PPM1B: variants seen among roughly 807,000 people sequenced by gnomAD.
The protein encoded by PPM1B is protein phosphatase 1B.
Under a neutral mutation model 43.0 loss-of-function variants are expected in PPM1B, and 22 were observed. That is an observed-to-expected ratio of 0.51 (90% CI 0.37 to 0.73). PPM1B has a LOEUF of 0.73. PPM1B is among the 30% of genes least tolerant of loss of function. The probability of loss-of-function intolerance (pLI) is 0.00; values close to 1 mark genes in which losing one functional copy is unlikely to be tolerated. For missense variants in PPM1B, 632 were observed against 584.2 expected (o/e 1.08, Z -0.84); for synonymous variants, 217 against 197.9 (o/e 1.10, Z -0.81).
At chr2:44,230,020 G>T in intron 5 of PPM1B, 1 of 1,591,702 alleles carries the variant, frequency 6.3e-7, no homozygotes, top group Non-Finnish European at 8.6e-7. Flanking sequence ...CTGTTCTGAT[G>T]GCCTGCTTTT....
chr2:44,193,322 A>AT (rs770157842), intron 1 of PPM1B, among the ~76,000 whole-genome samples: 144 of 152,136 alleles, frequency 9.5e-4, no homozygotes, highest in Non-Finnish European at 1.6e-3. Context: ...GAGGTTGAGC[A>AT]TTTTTTCACA....
chr2:44,205,865 T>A (rs1669167690), intron 2 of PPM1B, among the ~76,000 whole-genome samples: 1 of 152,208 alleles, frequency 6.6e-6, no homozygotes, highest in South Asian at 2.1e-4. Flanking sequence ...TCATTCTATA[T>A]TAATTTATAT....
At chr2:44,199,604 T>G (rs1270488743) in intron 1 of PPM1B, among the ~76,000 whole-genome samples, 1 of 152,196 alleles carries the variant, frequency 6.6e-6, no homozygotes, top group Non-Finnish European at 1.5e-5. Flanking sequence ...AAAAATGTAC[T>G]TAGAACTAGG....
At chr2:44,177,021 C>A (rs190351878) in intron 1 of PPM1B, among the ~76,000 whole-genome samples, 2 of 152,318 alleles carry the variant, frequency 1.3e-5, no homozygotes, top group East Asian at 3.9e-4. Context: ...CTCAGGTGAT[C>A]TGCCCGCCTC....
chr2:44,170,507 C>T (rs1413778780), intron 1 of PPM1B, among the ~76,000 whole-genome samples: 2 of 152,226 alleles, frequency 1.3e-5, no homozygotes, highest in South Asian at 4.1e-4. Context: ...AACACAGGAA[C>T]TGTCTTTATT....
At chr2:44,203,328 A>T (rs760922274) in intron 2 of PPM1B, among the ~76,000 whole-genome samples, 1 of 152,150 alleles carries the variant, frequency 6.6e-6, no homozygotes, top group Non-Finnish European at 1.5e-5. Flanking sequence ...GATGGTTGTC[A>T]GTGATCAAAT....
intron 5 of PPM1B, among the ~76,000 whole-genome samples, chr2:44,226,401 G>T (rs1411796558): frequency 6.6e-6 from 1 of 152,118 alleles, no homozygotes; most frequent in African/African-American, 2.4e-5. Context: ...TGTTGAACTT[G>T]CCAAAATTGA....
chr2:44,215,496 G>T (rs1442758970), intron 3 of PPM1B, among the ~76,000 whole-genome samples: 1 of 152,172 alleles, frequency 6.6e-6, no homozygotes, highest in African/African-American at 2.4e-5. Context: ...TTGTAAAGCA[G>T]TGTTCTTCAG....
At chr2:44,239,212 A>G (rs114472933), downstream of PPM1B, among the ~76,000 whole-genome samples, 630 of 150,340 alleles carry the variant, frequency 4.2e-3, 2 homozygotes, top group African/African-American at 0.015. Flanking sequence ...ATCCGGTTGG[A>G]TAAGCATGAA....
At position 44,201,027 on chromosome 2, in the gene PPM1B, G is replaced by A. The variant is rs1165450528; in HGVS notation, c.-14-159G>A. ...CTGAGAAACCACTGTTCTGTAGGAT[G>A]TAGGGGAGGAAATTTCTTGGGCTTT... On this transcript the variant is annotated intron_variant, in intron 1 of 5. Coordinates refer to ENST00000282412, the MANE Select transcript of PPM1B (RefSeq NM_002706.6). The surrounding 1 kb of genome is among the most constrained non-coding windows in gnomAD (Gnocchi z 5.4). Among the ~76,000 whole-genome samples the A allele has an allele frequency of 2.0e-5, 3 of 152,146 alleles. No individual in the cohort carries two copies. Among genetic ancestry groups the A allele is most frequent in the Non-Finnish European group, 4.4e-5 (3 of 68,034 alleles).
At chr2:44,233,080 C>G (rs972676841), downstream of PPM1B, 41 of 982,032 alleles carry the variant, frequency 4.2e-5, no homozygotes, top group Non-Finnish European at 4.8e-5. Flanking sequence ...GCTTTGACAT[C>G]TCACTGTTGG....
At position 44,193,001 on chromosome 2, in the gene PPM1B, G is replaced by C. The variant is rs1459750523; in HGVS notation, c.-14-8185G>C. On this transcript the variant is annotated intron_variant, in intron 1 of 5. Transcript: ENST00000282412. ...GACACTTAGGTTGATTGCATAACTTGGTTTTGGTAAATAATGCCACAGTGA... is the reference window on the plus strand; with the variant it reads ...GACACTTAGGTTGATTGCATAACTTCGTTTTGGTAAATAATGCCACAGTGA... Among the ~76,000 whole-genome samples, 2 of 152,142 alleles carry C rather than the reference G, an allele frequency of 1.3e-5. 1 individual carries two copies. The highest frequency in any genetic ancestry group is 1.3e-4 in the Admixed American group (2 of 15,276).
intron 1 of PPM1B, among the ~76,000 whole-genome samples, chr2:44,177,066 C>T (rs1173263352): frequency 6.6e-6 from 1 of 152,212 alleles, no homozygotes; most frequent in Non-Finnish European, 1.5e-5. Context: ...AGGCATGAGC[C>T]ACCGTGCCCG....
rs140394108 is a variant in PPM1B, at chr2:44,213,382, C to G, written c.964+4055C>G. ...GAGAAAATACATTTGAATGATATAA[C>G]TTACGATGATGGTATAATAGTTCGT... On this transcript the variant is annotated intron_variant, in intron 3 of 5. Transcript: ENST00000282412. Among the ~76,000 whole-genome samples the G allele has an allele frequency of 2.9e-3, 425 of 148,354 alleles. 2 individuals are homozygous for G. Among genetic ancestry groups the G allele is most frequent in the Non-Finnish European group, 4.5e-3 (304 of 67,546 alleles).
At chr2:44,172,846 G>A (rs1356090036) in intron 1 of PPM1B, among the ~76,000 whole-genome samples, 2 of 152,216 alleles carry the variant, frequency 1.3e-5, no homozygotes, top group Non-Finnish European at 2.9e-5. Context: ...GGTCAAAGCT[G>A]CAGCGAGCTG....
At chr2:44,180,078 G>A (rs1036947288) in intron 1 of PPM1B, among the ~76,000 whole-genome samples, 6 of 151,704 alleles carry the variant, frequency 4.0e-5, no homozygotes, top group Non-Finnish European at 8.8e-5. Context: ...ATGTGTATTT[G>A]GATTGAAATG....
At chr2:44,189,041 T>C (rs537363036) in intron 1 of PPM1B, among the ~76,000 whole-genome samples, 4 of 151,948 alleles carry the variant, frequency 2.6e-5, no homozygotes, top group Non-Finnish European at 5.9e-5. Context: ...GGCTAATCTT[T>C]TTGTATTTTT....
chr2:44,226,703 A>G (rs930031620), intron 5 of PPM1B, among the ~76,000 whole-genome samples: 1 of 137,304 alleles, frequency 7.3e-6, no homozygotes, highest in Non-Finnish European at 1.6e-5. Context: ...AATGTCCTGT[A>G]ATTTTTTTTT....
downstream of PPM1B, among the ~76,000 whole-genome samples, chr2:44,236,724 T>C (rs1670634670): frequency 6.6e-6 from 1 of 152,194 alleles, no homozygotes; most frequent in South Asian, 2.1e-4. Context: ...AACTGGAACA[T>C]GTCCATCAAA....
Sources: allele counts gnomAD v4.1 joint callset (sites outside exome capture counted in the v4.1 genomes callset), GRCh38; gene constraint gnomAD v4.1.1; non-coding constraint Gnocchi (gnomAD v3.1); transcripts MANE v1.5; gene names NCBI Gene and HGNC (gene_info 2026-07-23, HGNC 2026-07-21).